Variants in TENM2 observed in about 807,000 individuals in gnomAD.
TENM2 encodes teneurin transmembrane protein 2.
A neutral mutation model predicts 245.2 loss-of-function variants in TENM2; 52 were observed. The ratio of observed to expected loss-of-function variants is 0.21; its 90% confidence interval spans 0.17 to 0.27. The LOEUF is 0.27. Among genes scored for constraint, TENM2 ranks in the 10% least tolerant of loss-of-function variants. The pLI, the probability that TENM2 is intolerant of heterozygous loss-of-function variation, is 1.00. For missense variants in TENM2, 3,046 were observed against 3,666.8 expected (o/e 0.83, Z 4.37); for synonymous variants, 1,363 against 1,438.9 (o/e 0.95, Z 1.19).
At chr5:167,103,285 C>G in the TENM2 span, among the ~76,000 whole-genome samples, 1 of 152,158 alleles carries the variant, frequency 6.6e-6, no homozygotes, top group Non-Finnish European at 1.5e-5. Context: ...ATAGATATCT[C>G]TTAGTATTCT....
At chr5:167,735,570 G>T (rs1278827107) in intron 2 of TENM2, among the ~76,000 whole-genome samples, 4 of 152,158 alleles carry the variant, frequency 2.6e-5, no homozygotes, top group African/African-American at 7.2e-5. Context: ...ACTTTGGGAG[G>T]CCAAGGCAGG....
chr5:167,168,791 G>T, the TENM2 span, among the ~76,000 whole-genome samples: 55 of 152,124 alleles, frequency 3.6e-4, no homozygotes, highest in East Asian at 9.9e-3. Flanking sequence ...ACAGAGTCTC[G>T]CTCTGTTGTT....
chr5:167,319,305 C>T (rs141777659), intron 1 of TENM2, among the ~76,000 whole-genome samples: 85 of 152,082 alleles, frequency 5.6e-4, no homozygotes, highest in Non-Finnish European at 1.0e-3. Context: ...TCAGGGTTTT[C>T]GTTTTTGTTT....
At chr5:167,692,159 A>G (rs1026713083) in intron 2 of TENM2, among the ~76,000 whole-genome samples, 26 of 152,218 alleles carry the variant, frequency 1.7e-4, no homozygotes, top group African/African-American at 5.8e-4. Context: ...TCCCCTCACT[A>G]TAATGTAAAG....
chr5:167,574,745 C>T (rs1321685554), intron 2 of TENM2, among the ~76,000 whole-genome samples: 1 of 152,086 alleles, frequency 6.6e-6, no homozygotes, highest in Non-Finnish European at 1.5e-5. Flanking sequence ...CTAAGCGGCT[C>T]AATAATGGAG....
the TENM2 span, among the ~76,000 whole-genome samples, chr5:167,177,815 G>T: frequency 5.9e-5 from 9 of 152,154 alleles, no homozygotes; most frequent in Admixed American, 5.2e-4. Flanking sequence ...CATTAACTTT[G>T]CCTGAATAGC....
intron 2 of TENM2, among the ~76,000 whole-genome samples, chr5:167,850,933 T>G (rs1181592758): frequency 6.6e-6 from 1 of 152,212 alleles, no homozygotes; most frequent in African/African-American, 2.4e-5. Context: ...ACTCTGAATT[T>G]TCTCATGTTC....
At chr5:167,774,448 C>T (rs1260502968) in intron 2 of TENM2, among the ~76,000 whole-genome samples, 1 of 152,132 alleles carries the variant, frequency 6.6e-6, no homozygotes, top group African/African-American at 2.4e-5. Flanking sequence ...CTTCTTTAGA[C>T]CTAGACGTGG....
At chr5:167,595,975 G>A (rs1468912484) in intron 2 of TENM2, among the ~76,000 whole-genome samples, 1 of 152,148 alleles carries the variant, frequency 6.6e-6, no homozygotes, top group African/African-American at 2.4e-5. Context: ...GTGTGTAAAT[G>A]TTCACATCTA....
the TENM2 span, among the ~76,000 whole-genome samples, chr5:167,060,198 C>T: frequency 6.6e-6 from 1 of 151,984 alleles, no homozygotes; most frequent in Non-Finnish European, 1.5e-5. Context: ...ACACCTTGGT[C>T]CTGGTGGTAC....
chr5:168,032,128 T>C (rs556114875), intron 5 of TENM2, among the ~76,000 whole-genome samples: 2 of 152,196 alleles, frequency 1.3e-5, no homozygotes, highest in South Asian at 4.1e-4. Context: ...GGCAGACTAA[T>C]CTTGGACAAC....
chr5:167,684,587 A>T (rs765232878), intron 2 of TENM2, among the ~76,000 whole-genome samples: 3 of 152,242 alleles, frequency 2.0e-5, no homozygotes, highest in Non-Finnish European at 4.4e-5. Context: ...GCTAGATGGG[A>T]AACAAAGAGA....
chr5:168,041,981 A>T (rs1182084461), intron 5 of TENM2, among the ~76,000 whole-genome samples: 2 of 152,224 alleles, frequency 1.3e-5, no homozygotes, highest in Non-Finnish European at 2.9e-5. Flanking sequence ...AGCCCTGATT[A>T]TTCCACTGTG....
At chr5:167,658,124 A>T (rs1473235621) in intron 2 of TENM2, among the ~76,000 whole-genome samples, 2 of 152,206 alleles carry the variant, frequency 1.3e-5, no homozygotes, top group African/African-American at 4.8e-5. Context: ...TTCAATATCA[A>T]AGCAACAGCA....
intron 2 of TENM2, among the ~76,000 whole-genome samples, chr5:167,806,224 T>A (rs1766155982): frequency 1.3e-5 from 2 of 152,248 alleles, no homozygotes; most frequent in South Asian, 4.1e-4. Flanking sequence ...TATTAAAAAT[T>A]AAATGACAAC....
intron 2 of TENM2, among the ~76,000 whole-genome samples, chr5:167,713,144 G>T (rs1759021124): frequency 6.6e-6 from 1 of 151,894 alleles, no homozygotes; most frequent in Admixed American, 6.6e-5. Context: ...TTTGTATTTT[G>T]CAGTGAGTGC....
intron 2 of TENM2, among the ~76,000 whole-genome samples, chr5:167,770,925 C>T (rs1763361792): frequency 6.6e-6 from 1 of 151,954 alleles, no homozygotes; most frequent in Non-Finnish European, 1.5e-5. Context: ...GCTTTCTTGG[C>T]AGGTTCCAAG....
intron 4 of TENM2, among the ~76,000 whole-genome samples, chr5:167,965,810 C>T (rs1286061779): frequency 6.6e-6 from 1 of 152,006 alleles, no homozygotes; most frequent in African/African-American, 2.4e-5. Flanking sequence ...TACATGTCAC[C>T]CATTAGTAAG....
intron 2 of TENM2, among the ~76,000 whole-genome samples, chr5:167,610,150 A>G (rs896903841): frequency 1.2e-4 from 19 of 152,136 alleles, no homozygotes; most frequent in African/African-American, 4.3e-4. Context: ...GGATACAGAC[A>G]AACAGCCAGG....
Sources: allele counts gnomAD v4.1 joint callset (sites outside exome capture counted in the v4.1 genomes callset), GRCh38; gene constraint gnomAD v4.1.1; transcripts MANE v1.5; gene names NCBI Gene and HGNC (gene_info 2026-07-23, HGNC 2026-07-21).